Variants in KCNMA1 observed in about 807,000 individuals in gnomAD.
The protein encoded by KCNMA1 is Calcium-activated potassium channel subunit alpha-1.
In KCNMA1, 29 loss-of-function variants were observed where a neutral mutation model predicts 140.0. The observed-to-expected ratio is 0.21, with a 90% CI of 0.15 to 0.28. KCNMA1 has a LOEUF of 0.28. Among genes scored for constraint, KCNMA1 ranks in the 10% least tolerant of loss-of-function variants. KCNMA1 has a pLI of 1.00. For missense variants in KCNMA1, 880 were observed against 1,602.2 expected (o/e 0.55, Z 7.70); for synonymous variants, 612 against 611.9 (o/e 1.00, Z 0.00).
At chr10:77,325,672 A>T (rs999213525) in intron 2 of KCNMA1, among the ~76,000 whole-genome samples, 1 of 151,912 alleles carries the variant, frequency 6.6e-6, no homozygotes, top group Non-Finnish European at 1.5e-5. Flanking sequence ...ACTTCTCATG[A>T]TCGCTTCTTT....
intron 13 of KCNMA1, among the ~76,000 whole-genome samples, chr10:77,078,915 G>A (rs931385435): frequency 1.3e-5 from 2 of 152,232 alleles, no homozygotes; most frequent in Admixed American, 1.3e-4. Flanking sequence ...CTTCCCGAAT[G>A]AATGAATCAG....
intron 3 of KCNMA1, among the ~76,000 whole-genome samples, chr10:77,220,152 A>T (rs1221991072): frequency 6.6e-6 from 1 of 152,176 alleles, no homozygotes; most frequent in African/African-American, 2.4e-5. Flanking sequence ...TGTTGTCTTC[A>T]TATTACAAAT....
intron 20 of KCNMA1, among the ~76,000 whole-genome samples, chr10:76,968,791 A>G (rs1251591508): frequency 6.6e-6 from 1 of 152,216 alleles, no homozygotes; most frequent in Non-Finnish European, 1.5e-5. Flanking sequence ...ATGGAAAAGG[A>G]GTTGGGCAGG....
intron 6 of KCNMA1, among the ~76,000 whole-genome samples, chr10:77,117,894 C>T (rs1174702176): frequency 1.3e-5 from 2 of 152,140 alleles, no homozygotes; most frequent in African/African-American, 4.8e-5. Flanking sequence ...GGGAAAGGGC[C>T]CTGATGCTGG....
intron 25 of KCNMA1, chr10:76,901,535 C>A (rs983386053): frequency 1.3e-5 from 2 of 152,192 alleles, no homozygotes; most frequent in African/African-American, 4.8e-5. Flanking sequence ...GTGTTGAAAT[C>A]AGTTATACCC....
chr10:77,636,752 C>T (rs1354394011), intron 1 of KCNMA1: 2 of 1,472,252 alleles, frequency 1.4e-6, no homozygotes, highest in Non-Finnish European at 1.8e-6. Flanking sequence ...ATTATTCTCT[C>T]CCTTGCCCAA....
chr10:77,194,604 A>G (rs1354981877), intron 3 of KCNMA1, among the ~76,000 whole-genome samples: 1 of 152,148 alleles, frequency 6.6e-6, no homozygotes, highest in Admixed American at 6.5e-5. Context: ...CCGGACTGAC[A>G]GTTGCGGATA....
intron 14 of KCNMA1, among the ~76,000 whole-genome samples, chr10:77,065,827 T>C (rs947852195): frequency 6.6e-6 from 1 of 152,180 alleles, no homozygotes; most frequent in Non-Finnish European, 1.5e-5. Context: ...GCAGTTCTAA[T>C]GCCTTAGAGG....
chr10:77,604,829 G>A (rs1011063344), intron 1 of KCNMA1, among the ~76,000 whole-genome samples: 8 of 152,100 alleles, frequency 5.3e-5, no homozygotes, highest in African/African-American at 9.7e-5. Context: ...CAACACATCC[G>A]TCTGAGGTCT....
intron 2 of KCNMA1, among the ~76,000 whole-genome samples, chr10:77,316,479 C>T (rs779078815): frequency 2.6e-5 from 4 of 152,170 alleles, no homozygotes; most frequent in Non-Finnish European, 4.4e-5. Context: ...TGAGCCTGCA[C>T]GGGACTCTCC....
At chr10:77,324,971 C>CTCTCTCTCTCTCTGTGTGTG (rs766240356) in intron 2 of KCNMA1, among the ~76,000 whole-genome samples, 12 of 90,448 alleles carry the variant, frequency 1.3e-4, no homozygotes, top group South Asian at 4.8e-4. Flanking sequence ...CTCTCTCTCT[C>CTCTCTCTCTCTCTGTGTGTG]TGTGTGTGTG....
At chr10:77,547,534 G>A (rs2061722094) in intron 1 of KCNMA1, among the ~76,000 whole-genome samples, 1 of 152,146 alleles carries the variant, frequency 6.6e-6, no homozygotes, top group South Asian at 2.1e-4. Context: ...TGCCCAACCG[G>A]GCCCACCTCT....
chr10:77,540,324 A>C (rs1314247067), intron 1 of KCNMA1, among the ~76,000 whole-genome samples: 3 of 152,244 alleles, frequency 2.0e-5, no homozygotes, highest in Non-Finnish European at 4.4e-5. Context: ...ACAGTGATTG[A>C]GCACCTACTG....
chr10:77,380,489 C>G (rs939969820), intron 2 of KCNMA1, among the ~76,000 whole-genome samples: 1 of 152,202 alleles, frequency 6.6e-6, no homozygotes, highest in African/African-American at 2.4e-5. Flanking sequence ...CCTAGCTGGG[C>G]TCCTTTGAAG....
chr10:77,232,837 G>A (rs2154209706), intron 3 of KCNMA1, among the ~76,000 whole-genome samples: 1 of 151,220 alleles, frequency 6.6e-6, no homozygotes, highest in Middle Eastern at 3.5e-3. Flanking sequence ...TTGATGTGAA[G>A]AGTCCAATTT....
intron 2 of KCNMA1, among the ~76,000 whole-genome samples, chr10:77,326,079 C>G: frequency 6.6e-6 from 1 of 152,234 alleles, no homozygotes; most frequent in East Asian, 1.9e-4. Context: ...GGGTATGGAA[C>G]AGGAAATGTG....
intron 23 of KCNMA1, among the ~76,000 whole-genome samples, chr10:76,922,775 G>A (rs931422206): frequency 2.6e-5 from 4 of 152,192 alleles, no homozygotes; most frequent in East Asian, 3.8e-4. Flanking sequence ...ATATGTCTCT[G>A]TTTTTACTTA....
At chr10:77,464,359 G>A (rs185525004) in intron 1 of KCNMA1, among the ~76,000 whole-genome samples, 2 of 152,178 alleles carry the variant, frequency 1.3e-5, no homozygotes, top group African/African-American at 4.8e-5. Flanking sequence ...GGAGTCATTA[G>A]TACACAGAGA....
intron 1 of KCNMA1, among the ~76,000 whole-genome samples, chr10:77,581,786 G>C (rs1292761656): frequency 6.6e-6 from 1 of 152,206 alleles, no homozygotes. Flanking sequence ...GCTGCAGGTG[G>C]TGGCCTTAGA....
Sources: gnomAD v4.1 joint callset for allele counts (sites outside exome capture counted in the v4.1 genomes callset) on GRCh38, gnomAD v4.1.1 for gene constraint, MANE v1.5 for transcripts, NCBI Gene and HGNC (gene_info 2026-07-23, HGNC 2026-07-21) for gene names.